ZC3H7B: variants seen among roughly 807,000 people sequenced by gnomAD.
ZC3H7B encodes the protein zinc finger CCCH domain-containing protein 7B.
A neutral mutation model predicts 116.0 loss-of-function variants in ZC3H7B; 35 were observed. That is an observed-to-expected ratio of 0.30 (90% CI 0.23 to 0.40). ZC3H7B has a LOEUF of 0.40. Ranked by LOEUF, ZC3H7B falls within the 10% of genes least tolerant of loss-of-function variation. The probability of loss-of-function intolerance (pLI) is 1.00; values close to 1 mark genes in which losing one functional copy is unlikely to be tolerated. For missense variants in ZC3H7B, 1,011 were observed against 1,321.5 expected (o/e 0.77, Z 3.64); for synonymous variants, 502 against 545.6 (o/e 0.92, Z 1.11).
intron 16 of ZC3H7B, among the ~76,000 whole-genome samples, chr22:41,350,090 A>C (rs888854644): frequency 1.3e-5 from 2 of 152,146 alleles, no homozygotes; most frequent in African/African-American, 4.8e-5. Context: ...GGATGGGAGC[A>C]TTTTAGGTAA....
chr22:41,347,934 T>C lies in ZC3H7B; in HGVS notation c.1666-133T>C, dbSNP rs1337189646. The stretch of plus-strand genomic sequence containing the variant: ...CAAGACCACAGACCCTGGGATTCCC[T>C]TCCTCACTCCTCTGACCCAGGGCAG... On this transcript the variant is annotated intron_variant, in intron 14 of 22. Transcript: ENST00000352645. The C allele has an allele frequency of 5.5e-6, 4 of 728,298 alleles. No individual in the cohort carries two copies. In the Admixed American group the frequency reaches 6.2e-5, roughly 11 times the overall value. 45.1% of individuals were successfully genotyped at this position (728,298 alleles called of 1,614,324 possible). A position where few individuals can be genotyped will look rare whatever the true frequency, so the allele number is the denominator to read the frequency against.
rs2036634728 is a variant in ZC3H7B, at chr22:41,349,758, G to C, written c.1948+457G>C. ...CACTCACCCACCAGGGATTTACTGAGCACCTTCTCTTGTCAGGGCATTCAG... is the reference window on the plus strand; with the variant it reads ...CACTCACCCACCAGGGATTTACTGACCACCTTCTCTTGTCAGGGCATTCAG... On this transcript the variant is annotated intron_variant, in intron 16 of 22. Transcript: ENST00000352645. This position sits in a 1 kb window ranked among gnomAD's most constrained non-coding sequence, Gnocchi z 4.9. Among the ~76,000 whole-genome samples the C allele has an allele frequency of 6.6e-6, 1 of 152,230 alleles. No homozygotes were observed. The highest frequency in any genetic ancestry group is 6.5e-5 in the Admixed American group (1 of 15,286).
chr22:41,341,692 G>A (rs1464941329), intron 11 of ZC3H7B, among the ~76,000 whole-genome samples: 4 of 152,038 alleles, frequency 2.6e-5, no homozygotes, highest in Admixed American at 1.3e-4. Context: ...GCAGTGAGCC[G>A]AGATCGCGCC....
rs1444355057 is a variant in ZC3H7B at position 41,353,627 on chromosome 22, G to T, written c.2035-1842G>T. ...CCCTTTCATCCACATGAGGCCACCTGCTGATTAACTTGGGGGAAGGCTGGG... is the reference window on the plus strand; with the variant it reads ...CCCTTTCATCCACATGAGGCCACCTTCTGATTAACTTGGGGGAAGGCTGGG... On this transcript the variant is annotated intron_variant, in intron 17 of 22. Transcript: ENST00000352645. Among the ~76,000 whole-genome samples, 4 of 152,208 alleles carry T rather than the reference G, an allele frequency of 2.6e-5. No homozygotes were observed. The East Asian group carries it at 7.7e-4, about 29-fold the overall frequency.
chr22:41,352,880 C>A (rs573982570), intron 17 of ZC3H7B, among the ~76,000 whole-genome samples: 1 of 151,340 alleles, frequency 6.6e-6, no homozygotes, highest in Non-Finnish European at 1.5e-5. Context: ...GAGTTTGAGA[C>A]CAGCCTGGCA....
Position 41,349,820 on chromosome 22 carries a change from T to C in ZC3H7B, c.1948+519T>C, listed in dbSNP as rs746330477. ...TCGAGGCCCTTACTTTCAGAGAACCTACATTTATAAGTGGGGGCCAGACAG... is the reference window on the plus strand; with the variant it reads ...TCGAGGCCCTTACTTTCAGAGAACCCACATTTATAAGTGGGGGCCAGACAG... On this transcript the variant is annotated intron_variant, in intron 16 of 22. Transcript: ENST00000352645. This position sits in a 1 kb window ranked among gnomAD's most constrained non-coding sequence, Gnocchi z 4.9. Among the ~76,000 whole-genome samples the C allele has an allele frequency of 6.6e-6, 1 of 152,212 alleles. No individual in the cohort carries two copies. The highest frequency in any genetic ancestry group is 1.5e-5 in the Non-Finnish European group (1 of 68,032).
chr22:41,317,605 C>CA (rs891363334), intron 1 of ZC3H7B, among the ~76,000 whole-genome samples: 2 of 151,678 alleles, frequency 1.3e-5, no homozygotes, highest in African/African-American at 4.8e-5. Flanking sequence ...GCCTGGGCAA[C>CA]ATGGCAAAAC....
rs765053737 is a variant in ZC3H7B, at chr22:41,339,833, C to T, written c.834C>T (p.Gly278=). The T allele has an allele frequency of 6.2e-7, 1 of 1,603,472 alleles. No homozygotes were observed. The highest frequency in any genetic ancestry group is 1.1e-5 in the South Asian group (1 of 89,782). Residue 278 remains glycine, a synonymous_variant, in exon 10 of 23, where the codon GGC becomes GGT. Transcript: ENST00000352645. The part of the protein sequence containing the change: ...LLDSLSLVQG[G]LSGSGVPSEL... ...CCTCATAGTCTCTGGTCCAGGGTGGCCTGTCTGGCAGCGGCGTGCCTAGTG... is the reference window on the plus strand; with the variant it reads ...CCTCATAGTCTCTGGTCCAGGGTGGTCTGTCTGGCAGCGGCGTGCCTAGTG...
chr22:41,326,018 C>A, intron 4 of ZC3H7B, 100 bp downstream of exon 4: 1 of 1,334,172 alleles, frequency 7.5e-7, no homozygotes, highest in Non-Finnish European at 1.0e-6. Context: ...TAGACCAGGG[C>A]CAGCCTCCTC....
At chr22:41,348,460 C>G (rs2036616336) in intron 15 of ZC3H7B, among the ~76,000 whole-genome samples, 1 of 152,198 alleles carries the variant, frequency 6.6e-6, no homozygotes, top group African/African-American at 2.4e-5. Flanking sequence ...TTGGAAGTAG[C>G]TTACTTAGCT....
intron 1 of ZC3H7B, among the ~76,000 whole-genome samples, chr22:41,314,163 A>T (rs1056422440): frequency 2.7e-5 from 4 of 148,944 alleles, no homozygotes; most frequent in Non-Finnish European, 4.5e-5. Flanking sequence ...TTATTTATTT[A>T]TTTATTTTTT....
Position 41,358,752 on chromosome 22 carries a change from G to GACATGTC in ZC3H7B, c.*1323_*1324insACATGTC. The GACATGTC allele has an allele frequency of 6.5e-6, 1 of 153,900 alleles. No homozygotes were observed. The allele number at this position is 153,900 out of a possible 1,614,324, so 9.5% of individuals were successfully genotyped here. ...CACCAAGGCCTCGCTCGTCCCTCTC[G>GACATGTC]TCTGACATGTCTGTGTGCACCCCCC... On this transcript the variant is annotated 3_prime_UTR_variant, in exon 23 of 23. Coordinates refer to ENST00000352645, the MANE Select transcript of ZC3H7B (RefSeq NM_017590.6).
In ZC3H7B at chr22:41,359,204, G is replaced by A. The variant is rs183632907; in HGVS notation, c.*1775G>A. The A allele has an allele frequency of 2.6e-5, 4 of 152,942 alleles. No homozygotes were observed. Among genetic ancestry groups the A allele is most frequent in the Admixed American group, 1.3e-4 (2 of 15,296 alleles). The allele number at this position is 152,942 out of a possible 1,614,324, so 9.5% of individuals were successfully genotyped here. The stretch of plus-strand genomic sequence containing the variant: ...TGTGGCCGTGATGTCGATGATACTC[G>A]TTTTCCCTGATCCGTGGTGTTGCAG... On this transcript the variant is annotated 3_prime_UTR_variant, in exon 23 of 23. Transcript: ENST00000352645.
At position 41,347,951 on chromosome 22, in the gene ZC3H7B, C is replaced by G. The variant is rs945238462; in HGVS notation, c.1666-116C>G. ...GGATTCCCTTCCTCACTCCTCTGAC[C>G]CAGGGCAGGGCTTGCAGGGACCCAG... On this transcript the variant is annotated intron_variant, in intron 14 of 22. Coordinates refer to ENST00000352645, the MANE Select transcript of ZC3H7B (RefSeq NM_017590.6). The G allele has an allele frequency of 4.9e-5, 41 of 838,392 alleles. No individual in the cohort carries two copies. In the African/African-American group the frequency reaches 5.1e-4, roughly 11 times the overall value. 51.9% of individuals were successfully genotyped at this position (838,392 alleles called of 1,614,324 possible).
At chr22:41,309,901 A>G (rs186332092) in intron 1 of ZC3H7B, among the ~76,000 whole-genome samples, 1 of 152,146 alleles carries the variant, frequency 6.6e-6, no homozygotes, top group African/African-American at 2.4e-5. Context: ...GGGCAGGGAA[A>G]CTGCAAAGAA....
chr22:41,341,753 AAATAAT>A (rs1195892347), intron 11 of ZC3H7B, among the ~76,000 whole-genome samples: 1 of 148,656 alleles, frequency 6.7e-6, no homozygotes, highest in Non-Finnish European at 1.5e-5. Context: ...AAAAAAAAGA[AAATAAT>A]AATAAAAGAA....
At position 41,339,092 on chromosome 22, in the gene ZC3H7B, C is replaced by T. The variant is rs1370295048; in HGVS notation, c.717C>T (p.Pro239=). The T allele has an allele frequency of 6.2e-7, 1 of 1,613,514 alleles. No individual in the cohort carries two copies. Among genetic ancestry groups the T allele is most frequent in the Non-Finnish European group, 8.5e-7 (1 of 1,179,768 alleles). ...LFPHVLDLLA[P]LDSSRTLPST... is the part of the protein sequence containing the mutation. ...CTCACGTTCTGGACCTGCTGGCCCCCCTGGACAGCAGCAGGACCCTCCCCA... is the reference window on the plus strand; with the variant it reads ...CTCACGTTCTGGACCTGCTGGCCCCTCTGGACAGCAGCAGGACCCTCCCCA... Residue 239 remains proline, a synonymous_variant, in exon 9 of 23, where the codon CCC becomes CCT. Coordinates refer to ENST00000352645, the MANE Select transcript of ZC3H7B (RefSeq NM_017590.6).
At chr22:41,340,960 G>A (rs2036515484) in intron 10 of ZC3H7B, 128 bp from the exon 11 acceptor site, 1 of 820,982 alleles carries the variant, frequency 1.2e-6, no homozygotes, top group Non-Finnish European at 1.9e-6. Flanking sequence ...CAGGGGTTCA[G>A]CAGGAGTAGG....
chr22:41,350,158 G>A (rs1039930253), intron 16 of ZC3H7B, among the ~76,000 whole-genome samples: 2 of 152,160 alleles, frequency 1.3e-5, no homozygotes, highest in African/African-American at 4.8e-5. Flanking sequence ...GGCGGGGAGT[G>A]CATTCCAGAA....
Sources: allele counts gnomAD v4.1 joint callset (sites outside exome capture counted in the v4.1 genomes callset), GRCh38; gene constraint gnomAD v4.1.1; non-coding constraint Gnocchi (gnomAD v3.1); transcripts MANE v1.5; gene names NCBI Gene and HGNC (gene_info 2026-07-23, HGNC 2026-07-21).